ZNF536: variants seen among roughly 807,000 people sequenced by gnomAD.
The protein encoded by ZNF536 is zinc finger protein 536.
A neutral mutation model predicts 84.5 loss-of-function variants in ZNF536; 13 were observed. The ratio of observed to expected loss-of-function variants is 0.15; its 90% CI spans 0.10 to 0.24. ZNF536 has a LOEUF of 0.24. Ranked by LOEUF, ZNF536 falls within the 10% of genes least tolerant of loss-of-function variation. The pLI, the probability that ZNF536 is intolerant of heterozygous loss-of-function variation, is 1.00. For synonymous variants in ZNF536, 811 were observed against 742.5 expected (o/e 1.09, Z -1.50); for missense variants, 1,536 against 1,747.5 (o/e 0.88, Z 2.16).
Position 30,557,745 on chromosome 19 carries a change from G to A in ZNF536, c.*581G>A, listed in dbSNP as rs2046016007. 1 of 152,464 alleles carries A rather than the reference G, an allele frequency of 6.6e-6. No homozygotes were observed. Among genetic ancestry groups the A allele is most frequent in the Non-Finnish European group, 1.5e-5 (1 of 68,048 alleles). The allele number at this position is 152,464 out of a possible 1,614,324, so 9.4% of individuals were successfully genotyped here. On this transcript the variant is annotated 3_prime_UTR_variant, in exon 5 of 5. Transcript: ENST00000355537. ...GAGCAGATGACAGTAAAATTTCAGT[G>A]AATAGCACCTTGACATCTACAACTT...
chr19:30,381,537 C>T (rs929943351), intron 1 of ZNF536, among the ~76,000 whole-genome samples: 2 of 152,138 alleles, frequency 1.3e-5, no homozygotes, highest in Non-Finnish European at 2.9e-5. Context: ...TTGCAGGGCA[C>T]AGGTCCCAAG....
chr19:30,578,075 C>T (rs1180540056), intron 1 of ZNF536, among the ~76,000 whole-genome samples: 8 of 152,192 alleles, frequency 5.3e-5, no homozygotes, highest in Non-Finnish European at 1.0e-4. Flanking sequence ...CCAATAACTG[C>T]CTCCTGGTTC....
At chr19:30,520,831 C>T (rs2044290393) in intron 2 of ZNF536, among the ~76,000 whole-genome samples, 1 of 152,136 alleles carries the variant, frequency 6.6e-6, no homozygotes, top group African/African-American at 2.4e-5. Flanking sequence ...CTTTTGTCCA[C>T]AGTAGGAGGC....
At chr19:30,710,181 A>C (rs1256600568) in intron 1 of ZNF536, among the ~76,000 whole-genome samples, 2 of 152,092 alleles carry the variant, frequency 1.3e-5, no homozygotes, top group African/African-American at 2.4e-5. Flanking sequence ...TTATTATTTA[A>C]CCCTTTATAG....
chr19:30,514,894 G>C (rs1869062622), intron 2 of ZNF536, among the ~76,000 whole-genome samples: 1 of 152,024 alleles, frequency 6.6e-6, no homozygotes, highest in African/African-American at 2.4e-5. Flanking sequence ...AGCTGTGTGA[G>C]CCTGGATTTG....
At chr19:30,258,695 A>ATATTTATT (rs10554010) in intron 1 of ZNF536, among the ~76,000 whole-genome samples, 6,721 of 146,570 alleles carry the variant, frequency 0.046, 217 homozygotes, top group Non-Finnish European at 0.069. Flanking sequence ...TATTTTTTAA[A>ATATTTATT]TATTTATTTA....
At chr19:30,685,821 C>T (rs1186699993) in intron 1 of ZNF536, among the ~76,000 whole-genome samples, 2 of 152,230 alleles carry the variant, frequency 1.3e-5, no homozygotes, top group Non-Finnish European at 2.9e-5. Context: ...GCCCCACGGT[C>T]CTGCCACGTT....
chr19:30,236,807 G>C (rs199863847), intron 1 of ZNF536, among the ~76,000 whole-genome samples: 1 of 151,796 alleles, frequency 6.6e-6, no homozygotes, highest in Non-Finnish European at 1.5e-5. Context: ...GATATGGCTT[G>C]TCCTTTGGAG....
At chr19:30,412,360 T>A (rs2050528816) in intron 1 of ZNF536, among the ~76,000 whole-genome samples, 1 of 152,054 alleles carries the variant, frequency 6.6e-6, no homozygotes, top group South Asian at 2.1e-4. Context: ...CCATTTATCT[T>A]TTTATAAATC....
At chr19:30,316,760 G>A in intron 2 of ZNF536, among the ~76,000 whole-genome samples, 1 of 152,226 alleles carries the variant, frequency 6.6e-6, no homozygotes, top group South Asian at 2.1e-4. Context: ...GTCTTCAACA[G>A]GTGGTTTCTG....
chr19:30,700,834 C>T (rs2051912291), intron 1 of ZNF536, among the ~76,000 whole-genome samples: 2 of 152,236 alleles, frequency 1.3e-5, no homozygotes, highest in Admixed American at 1.3e-4. Context: ...TCTTACCTAG[C>T]TGCAGGCATT....
Position 30,391,982 on chromosome 19 carries a change from C to A in ZNF536, c.-3+19426C>A, listed in dbSNP as rs565899810. ...ACTTTGAATAAGGATATCCTCCCCC[C>A]TTCACCCCCGCCAAAAAAAGTGTAT... On this transcript the variant is annotated intron_variant, in intron 1 of 4. Transcript: ENST00000355537. 4.6e-5 allele frequency among the ~76,000 whole-genome samples: 7 copies of A among 152,254 alleles called. No individual in the cohort carries two copies. In the South Asian group the frequency reaches 1.5e-3, roughly 32 times the overall value.
chr19:30,322,689 A>G (rs2046896687), intron 2 of ZNF536, among the ~76,000 whole-genome samples: 1 of 152,086 alleles, frequency 6.6e-6, no homozygotes, highest in Admixed American at 6.5e-5. Flanking sequence ...AGCTCACAGT[A>G]AGTTTCTGGA....
chr19:30,700,347 C>G (rs907833102), intron 1 of ZNF536, among the ~76,000 whole-genome samples: 1 of 149,038 alleles, frequency 6.7e-6, no homozygotes, highest in African/African-American at 2.5e-5. Flanking sequence ...CTCCCTCCCC[C>G]CTCCTTCCTT....
intron 1 of ZNF536, among the ~76,000 whole-genome samples, chr19:30,620,107 A>G (rs2048430000): frequency 6.6e-6 from 1 of 151,562 alleles, no homozygotes; most frequent in African/African-American, 2.4e-5. Context: ...CGTTTAGTGC[A>G]AGAATACATG....
At chr19:30,595,496 C>A (rs2047432503) in intron 1 of ZNF536, among the ~76,000 whole-genome samples, 1 of 152,048 alleles carries the variant, frequency 6.6e-6, no homozygotes, top group Admixed American at 6.6e-5. Flanking sequence ...CTATGTTGCC[C>A]AGGCTGGTCT....
intron 1 of ZNF536, among the ~76,000 whole-genome samples, chr19:30,440,202 C>A (rs569447713): frequency 6.6e-6 from 1 of 151,986 alleles, no homozygotes; most frequent in South Asian, 2.1e-4. Context: ...TTCAAGTGAT[C>A]CGCCCACCTC....
intron 1 of ZNF536, among the ~76,000 whole-genome samples, chr19:30,377,531 G>A (rs1316371665): frequency 1.3e-5 from 2 of 152,176 alleles, no homozygotes; most frequent in Non-Finnish European, 2.9e-5. Flanking sequence ...CTCGTAGACA[G>A]AGTAGGGCGT....
At chr19:30,371,269 C>T (rs956720775), upstream of ZNF536, among the ~76,000 whole-genome samples, 2 of 152,040 alleles carry the variant, frequency 1.3e-5, no homozygotes, top group Non-Finnish European at 1.5e-5. Context: ...ACCTGTGGCA[C>T]GAGAGGATAA....
Sources: gnomAD v4.1 joint callset for allele counts (sites outside exome capture counted in the v4.1 genomes callset) on GRCh38, gnomAD v4.1.1 for gene constraint, MANE v1.5 for transcripts, NCBI Gene and HGNC (gene_info 2026-07-23, HGNC 2026-07-21) for gene names.